Variants in RANBP2 observed in about 807,000 individuals in gnomAD.
The protein encoded by RANBP2 is RAN binding protein 2, also known as E3 SUMO-protein ligase RanBP2.
RANBP2 carries 57 observed loss-of-function variants against 303.6 expected under a neutral mutation model. The ratio of observed to expected loss-of-function variants is 0.19; its 90% confidence interval spans 0.15 to 0.23. RANBP2 has a LOEUF of 0.23. Ranked by LOEUF, RANBP2 falls within the 10% of genes least tolerant of loss-of-function variation. The pLI is 1.00. For synonymous variants in RANBP2, 1,167 were observed against 1,301.5 expected (o/e 0.90, Z 2.23); for missense variants, 3,138 against 3,780.8 (o/e 0.83, Z 4.46).
chr2:109,317,453 G>GC, the RANBP2 span, among the ~76,000 whole-genome samples: 1 of 151,984 alleles, frequency 6.6e-6, no homozygotes, highest in Non-Finnish European at 1.5e-5. Context: ...GGGAGGCCCA[G>GC]CCCCCCACCC....
chr2:109,311,855 T>A, the RANBP2 span, among the ~76,000 whole-genome samples: 1 of 132,682 alleles, frequency 7.5e-6, no homozygotes, highest in Non-Finnish European at 1.5e-5. Flanking sequence ...GTTATTTTTT[T>A]AATTAAAGTT....
At chr2:108,822,279 C>T in the RANBP2 span, among the ~76,000 whole-genome samples, 2 of 152,122 alleles carry the variant, frequency 1.3e-5, no homozygotes, top group African/African-American at 4.8e-5. Context: ...TATTTATGCC[C>T]TGAAACATCA....
At chr2:109,013,147 C>T in the RANBP2 span, among the ~76,000 whole-genome samples, 1 of 152,202 alleles carries the variant, frequency 6.6e-6, no homozygotes, top group East Asian at 1.9e-4. Flanking sequence ...CACATGGTTT[C>T]TCTACTTCTA....
rs151091197 is a variant in RANBP2 at position 108,779,051 on chromosome 2, C to T, written c.8599+1820C>T. Among the ~76,000 whole-genome samples the T allele has an allele frequency of 4.3e-3, 647 of 151,974 alleles. 6 individuals carry two copies. The highest frequency in any genetic ancestry group is 0.02 in the Middle Eastern group (6 of 294). On this transcript the variant is annotated intron_variant, in intron 25 of 28. Transcript: ENST00000283195. ...GGCCCTGAACAGTTATTTTTGAGCC[C>T]CCAAGTTGGTATCTCATCCAGATCA... is the stretch of plus-strand genomic sequence containing the variant.
the RANBP2 span, among the ~76,000 whole-genome samples, chr2:109,550,777 G>A: frequency 2.6e-5 from 4 of 152,112 alleles, no homozygotes; most frequent in Non-Finnish European, 4.4e-5. Flanking sequence ...CAGGGCTCTC[G>A]GCTGCCCTCT....
the RANBP2 span, among the ~76,000 whole-genome samples, chr2:108,921,068 A>G: frequency 6.6e-6 from 1 of 152,196 alleles, no homozygotes; most frequent in Non-Finnish European, 1.5e-5. Flanking sequence ...TTCGAGTCAT[A>G]AGAAACCCCC....
At chr2:109,527,860 C>G in the RANBP2 span, among the ~76,000 whole-genome samples, 22 of 152,158 alleles carry the variant, frequency 1.4e-4, no homozygotes, top group Non-Finnish European at 2.6e-4. Context: ...GGGAAAGAAG[C>G]CACTGTCAGA....
chr2:109,424,867 G>T, the RANBP2 span, among the ~76,000 whole-genome samples: 1 of 152,202 alleles, frequency 6.6e-6, no homozygotes, highest in Non-Finnish European at 1.5e-5. Context: ...TCAAGTGAAA[G>T]CTAGAGTCGA....
chr2:109,669,354 A>G, the RANBP2 span, among the ~76,000 whole-genome samples: 1 of 152,216 alleles, frequency 6.6e-6, no homozygotes, highest in Non-Finnish European at 1.5e-5. Context: ...AAAAGCTTTC[A>G]GCACAGCAAA....
chr2:109,289,080 A>C, the RANBP2 span, among the ~76,000 whole-genome samples: 1 of 152,314 alleles, frequency 6.6e-6, no homozygotes, highest in Middle Eastern at 3.4e-3. Context: ...ATTATAACTG[A>C]GGAGCTGGCG....
the RANBP2 span, among the ~76,000 whole-genome samples, chr2:109,282,511 G>T: frequency 6.6e-6 from 1 of 152,164 alleles, no homozygotes; most frequent in Non-Finnish European, 1.5e-5. Flanking sequence ...CCTGCCCTGC[G>T]GTGGGAGGAC....
the RANBP2 span, among the ~76,000 whole-genome samples, chr2:109,266,349 T>C: frequency 6.6e-6 from 1 of 151,886 alleles, no homozygotes; most frequent in African/African-American, 2.4e-5. Flanking sequence ...TATGTATGTA[T>C]ACACAGGATC....
At chr2:108,848,954 C>G in the RANBP2 span, among the ~76,000 whole-genome samples, 1 of 152,068 alleles carries the variant, frequency 6.6e-6, no homozygotes, top group Non-Finnish European at 1.5e-5. Flanking sequence ...GTCTTTACTG[C>G]AGTTATTATA....
the RANBP2 span, among the ~76,000 whole-genome samples, chr2:109,386,154 T>C: frequency 6.6e-6 from 1 of 152,226 alleles, no homozygotes. Context: ...GCTGCAAAGC[T>C]GACCGCCTTG....
the RANBP2 span, among the ~76,000 whole-genome samples, chr2:109,139,773 C>T: frequency 1.3e-5 from 2 of 152,218 alleles, no homozygotes; most frequent in Non-Finnish European, 2.9e-5. Context: ...GCCCATTGAA[C>T]AATGGAGTTT....
chr2:109,419,872 T>C, the RANBP2 span, among the ~76,000 whole-genome samples: 226 of 152,376 alleles, frequency 1.5e-3, no homozygotes, highest in African/African-American at 4.4e-3. Context: ...AGGGAGGATA[T>C]TCAGAGTATT....
At chr2:109,042,947 C>T in the RANBP2 span, among the ~76,000 whole-genome samples, 1 of 152,190 alleles carries the variant, frequency 6.6e-6, no homozygotes. Flanking sequence ...GTGCTTGAGA[C>T]ACAAAGAGAA....
At chr2:109,764,529 A>G in the RANBP2 span, among the ~76,000 whole-genome samples, 6 of 149,968 alleles carry the variant, frequency 4.0e-5, 1 homozygote, top group Admixed American at 3.4e-4. Flanking sequence ...AGTAAGGCGT[A>G]GGTTGTACAT....
At chr2:109,235,232 A>T in the RANBP2 span, among the ~76,000 whole-genome samples, 4 of 152,170 alleles carry the variant, frequency 2.6e-5, no homozygotes, top group African/African-American at 7.2e-5. Flanking sequence ...TGTAAAATAG[A>T]TCAACCCTGA....
Sources: allele counts gnomAD v4.1 joint callset (sites outside exome capture counted in the v4.1 genomes callset), GRCh38; gene constraint gnomAD v4.1.1; transcripts MANE v1.5; gene names NCBI Gene and HGNC (gene_info 2026-07-23, HGNC 2026-07-21).